KCNIP4: variants seen among roughly 807,000 people sequenced by gnomAD.
KCNIP4 encodes the protein Kv channel-interacting protein 4.
A neutral mutation model predicts 34.0 loss-of-function variants in KCNIP4; 12 were observed. The observed-to-expected ratio is 0.35, with a 90% CI of 0.23 to 0.57. KCNIP4 has a LOEUF of 0.57. KCNIP4 is among the 20% of genes least tolerant of loss of function. KCNIP4 has a pLI of 0.83. For missense variants in KCNIP4, 238 were observed against 311.7 expected (o/e 0.76, Z 1.78); for synonymous variants, 124 against 102.2 (o/e 1.21, Z -1.29).
chr4:21,296,393 T>G (rs576505922), intron 1 of KCNIP4, among the ~76,000 whole-genome samples: 3 of 150,038 alleles, frequency 2.0e-5, no homozygotes, highest in Non-Finnish European at 3.0e-5. Context: ...TGAGCTGTGG[T>G]CTCTCTCTCT....
intron 1 of KCNIP4, among the ~76,000 whole-genome samples, chr4:21,863,509 T>C (rs1725229606): frequency 6.6e-6 from 1 of 152,006 alleles, no homozygotes; most frequent in Non-Finnish European, 1.5e-5. Context: ...CTATTTTTGA[T>C]AGATAGATGG....
At chr4:21,106,311 G>A (rs530140916) in intron 1 of KCNIP4, among the ~76,000 whole-genome samples, 178 of 151,676 alleles carry the variant, frequency 1.2e-3, no homozygotes, top group South Asian at 1.9e-3. Context: ...CCTCTTCCTC[G>A]TTTAGTCTTG....
intron 1 of KCNIP4, among the ~76,000 whole-genome samples, chr4:21,756,268 T>A (rs1490575540): frequency 1.3e-5 from 2 of 152,120 alleles, no homozygotes; most frequent in African/African-American, 2.4e-5. Context: ...ATAAGAAATA[T>A]CTGTTGGCCG....
intron 1 of KCNIP4, among the ~76,000 whole-genome samples, chr4:21,944,148 G>A (rs1429131337): frequency 6.6e-6 from 1 of 151,946 alleles, no homozygotes; most frequent in East Asian, 1.9e-4. Flanking sequence ...AAGAATCAAA[G>A]CCACACTTTG....
intron 1 of KCNIP4, among the ~76,000 whole-genome samples, chr4:20,929,645 A>G (rs1015255845): frequency 1.3e-5 from 2 of 151,974 alleles, no homozygotes; most frequent in African/African-American, 4.8e-5. Flanking sequence ...AACCCTAAAG[A>G]TTCCACAAAA....
At chr4:21,297,986 T>C (rs916682460) in intron 1 of KCNIP4, among the ~76,000 whole-genome samples, 1 of 152,162 alleles carries the variant, frequency 6.6e-6, no homozygotes, top group African/African-American at 2.4e-5. Flanking sequence ...AATAAAGATA[T>C]TGGAATTAAT....
intron 1 of KCNIP4, among the ~76,000 whole-genome samples, chr4:21,065,749 TATATATATATATATATAA>T (rs1175660876): frequency 1.1e-3 from 156 of 143,808 alleles, no homozygotes; most frequent in African/African-American, 3.8e-3. Context: ...TATATATATA[TATATATATATATATATAA>T]CTCAATTTTA....
At chr4:21,629,869 G>A (rs1042207207) in intron 1 of KCNIP4, among the ~76,000 whole-genome samples, 1 of 8,032 alleles carries the variant, frequency 1.2e-4, no homozygotes, top group African/African-American at 5.9e-4. Flanking sequence ...TTTTTTTTTT[G>A]AGACAGGGTC....
chr4:21,448,394 C>T (rs1015809572), intron 1 of KCNIP4, among the ~76,000 whole-genome samples: 12 of 152,196 alleles, frequency 7.9e-5, no homozygotes, highest in South Asian at 4.1e-4. Context: ...AGGCAATCCA[C>T]GTTTTACAGT....
At chr4:21,333,696 G>GAA (rs147110707) in intron 1 of KCNIP4, among the ~76,000 whole-genome samples, 2 of 146,990 alleles carry the variant, frequency 1.4e-5, no homozygotes, top group African/African-American at 5.0e-5. Context: ...AAATTAAAAA[G>GAA]AAAAAAAAAG....
At chr4:21,455,682 A>G (rs1020874754) in intron 1 of KCNIP4, among the ~76,000 whole-genome samples, 1 of 149,624 alleles carries the variant, frequency 6.7e-6, no homozygotes, top group African/African-American at 2.4e-5. Flanking sequence ...TCTAGCCCTC[A>G]ACCAAGTTTC....
At chr4:21,139,416 G>A (rs1223350442) in intron 1 of KCNIP4, among the ~76,000 whole-genome samples, 2 of 152,214 alleles carry the variant, frequency 1.3e-5, no homozygotes, top group Non-Finnish European at 2.9e-5. Flanking sequence ...TAGGTAAAAT[G>A]GTCATTAGAG....
At chr4:21,042,912 C>A (rs1440766137) in intron 1 of KCNIP4, among the ~76,000 whole-genome samples, 1 of 152,096 alleles carries the variant, frequency 6.6e-6, no homozygotes, top group Non-Finnish European at 1.5e-5. Context: ...CCAGACAGGG[C>A]AGAGGTAGAT....
At chr4:21,477,736 T>G (rs1419614159) in intron 1 of KCNIP4, among the ~76,000 whole-genome samples, 3 of 152,214 alleles carry the variant, frequency 2.0e-5, no homozygotes, top group Non-Finnish European at 1.5e-5. Flanking sequence ...TTCTTATGAG[T>G]GCACCATGTA....
At chr4:21,368,018 G>A (rs1234181253) in intron 1 of KCNIP4, among the ~76,000 whole-genome samples, 1 of 147,202 alleles carries the variant, frequency 6.8e-6, no homozygotes, top group Non-Finnish European at 1.5e-5. Flanking sequence ...GCCAGGCTGA[G>A]ACAAAATGGT....
chr4:20,945,585 G>A (rs551357623), intron 1 of KCNIP4, among the ~76,000 whole-genome samples: 4 of 152,188 alleles, frequency 2.6e-5, no homozygotes, highest in East Asian at 3.9e-4. Context: ...AGATGTGTAC[G>A]TGTGTGAGTG....
At chr4:20,993,600 C>CA (rs1737279320) in intron 1 of KCNIP4, among the ~76,000 whole-genome samples, 2 of 152,168 alleles carry the variant, frequency 1.3e-5, no homozygotes, top group South Asian at 2.1e-4. Context: ...GAACTGGAAA[C>CA]AAAATCATTC....
At chr4:21,405,508 G>A (rs932340784) in intron 1 of KCNIP4, among the ~76,000 whole-genome samples, 6 of 152,172 alleles carry the variant, frequency 3.9e-5, no homozygotes, top group African/African-American at 1.4e-4. Flanking sequence ...CAGTGCTTAA[G>A]GTGATAAGGA....
chr4:21,746,984 C>T (rs969274914), intron 1 of KCNIP4, among the ~76,000 whole-genome samples: 4 of 152,106 alleles, frequency 2.6e-5, no homozygotes, highest in African/African-American at 2.4e-5. Flanking sequence ...AATATGCATT[C>T]GTGTTTATAA....
Sources: gnomAD v4.1 joint callset for allele counts (sites outside exome capture counted in the v4.1 genomes callset) on GRCh38, gnomAD v4.1.1 for gene constraint, MANE v1.5 for transcripts, NCBI Gene and HGNC (gene_info 2026-07-23, HGNC 2026-07-21) for gene names.